Variants in PIK3R3 observed in about 807,000 individuals in gnomAD.
PIK3R3 encodes phosphatidylinositol 3-kinase regulatory subunit gamma.
PIK3R3 carries 64 observed loss-of-function variants against 62.9 expected under a neutral mutation model. The ratio of observed to expected loss-of-function variants is 1.02; its 90% CI spans 0.83 to 1.25. The LOEUF is 1.25. Ranked by LOEUF, PIK3R3 falls within the 50% of genes most tolerant of loss-of-function variation. The pLI is 0.00. For synonymous variants in PIK3R3, 165 were observed against 189.0 expected, an observed-to-expected ratio of 0.87 and a Z score of 1.04; for missense variants, 614 against 561.6, an observed-to-expected ratio of 1.09 and a Z score of -0.94.
chr1:46,100,448 T>G (rs1045831872), intron 1 of PIK3R3, among the ~76,000 whole-genome samples: 1 of 152,190 alleles, frequency 6.6e-6, no homozygotes, highest in Non-Finnish European at 1.5e-5. Flanking sequence ...TTCTTTATAT[T>G]CGGGGGTTCT....
intron 1 of PIK3R3, among the ~76,000 whole-genome samples, chr1:46,092,454 C>T (rs551884377): frequency 6.6e-6 from 1 of 152,280 alleles, no homozygotes; most frequent in South Asian, 2.1e-4. Flanking sequence ...ACCTCCACCT[C>T]CCAGATTCAA....
intron 1 of PIK3R3, among the ~76,000 whole-genome samples, chr1:46,086,154 GTATGTGTGCATATAGA>G (rs1364652315): frequency 6.6e-6 from 1 of 152,190 alleles, no homozygotes; most frequent in African/African-American, 2.4e-5. Context: ...TTAAGTGTGT[GTATGTGTGCATATAGA>G]TATGTGTGCA....
the PIK3R3 span, chr1:46,138,817 G>A: frequency 6.6e-6 from 1 of 152,230 alleles, no homozygotes. Context: ...TGTGTCCTCA[G>A]CTTTGAGCAT....
At chr1:46,065,888 T>C (rs1648941385) in intron 5 of PIK3R3, among the ~76,000 whole-genome samples, 166 bp downstream of exon 5, 2 of 152,228 alleles carry the variant, frequency 1.3e-5, no homozygotes, top group African/African-American at 4.8e-5. Context: ...AATTATATCC[T>C]TAACCAATTA....
At chr1:46,133,003 A>T (rs1655763671), upstream of PIK3R3, 1 of 1,066,006 alleles carries the variant, frequency 9.4e-7, no homozygotes, top group Non-Finnish European at 1.1e-6. Flanking sequence ...GAGGGAAGAG[A>T]GGCAAGGTGG....
the PIK3R3 span, among the ~76,000 whole-genome samples, chr1:46,150,877 C>T: frequency 7.1e-6 from 1 of 139,924 alleles, no homozygotes; most frequent in Non-Finnish European, 1.5e-5. Context: ...GGTGTGATCT[C>T]GGCTCACTGC....
intron 1 of PIK3R3, among the ~76,000 whole-genome samples, chr1:46,130,024 C>T (rs785504): frequency 0.67 from 102,622 of 152,062 alleles, 34,885 homozygotes; most frequent in Non-Finnish European, 0.71. Flanking sequence ...ATAGTTATAA[C>T]AGTCAACTTT....
At position 46,058,826 on chromosome 1, in the gene PIK3R3, T is replaced by G. The variant is rs563949800; in HGVS notation, c.765-2855A>C. 2.0e-5 allele frequency among the ~76,000 whole-genome samples: 3 copies of G among 152,212 alleles called. No homozygotes were observed. The East Asian group carries it at 5.8e-4, about 29-fold the overall frequency. Reference sequence around the variant, plus strand: ...GATGAGACTTTGGACTGTGGACTTTTGAGTTAATGCTGAAATGAGTTAAGA... The same window carrying G: ...GATGAGACTTTGGACTGTGGACTTTGGAGTTAATGCTGAAATGAGTTAAGA... On this transcript the variant is annotated intron_variant, in intron 6 of 9. Coordinates refer to ENST00000262741, the MANE Select transcript of PIK3R3 (RefSeq NM_003629.4).
At position 46,080,750 on chromosome 1, in the gene PIK3R3, G is replaced by A. The variant is rs755009883; in HGVS notation, c.107C>T (p.Ala36Val). The change falls in exon 2 of 10, where the codon GCT (alanine) becomes GTT (valine). Residue 36 changes from alanine (A) to valine (V), a missense_variant and splice_region_variant. Coordinates refer to ENST00000262741, the MANE Select transcript of PIK3R3 (RefSeq NM_003629.4). ...LIFYIEMDPPALPPKPPKPMT... is the reference protein window; with the variant it reads ...LIFYIEMDPPVLPPKPPKPMT... ...TGGCTTAGGTGGCTTTGGTGGAAGA[G>A]CTAGAAGAGAAATGAATATTACTCT... is the stretch of plus-strand genomic sequence containing the variant. 6.3e-6 allele frequency: 10 copies of A among 1,597,966 alleles called. No homozygotes were observed. The South Asian group carries it at 7.7e-5, about 12-fold the overall frequency.
the PIK3R3 span, among the ~76,000 whole-genome samples, chr1:46,168,184 A>T: frequency 1.9e-3 from 292 of 151,188 alleles, 3 homozygotes; most frequent in Admixed American, 0.011. Flanking sequence ...AATTAAATTT[A>T]AAAAAAAATA....
At chr1:46,096,079 C>T (rs12079713) in intron 1 of PIK3R3, among the ~76,000 whole-genome samples, 8 of 152,134 alleles carry the variant, frequency 5.3e-5, no homozygotes, top group African/African-American at 1.9e-4. Flanking sequence ...CCACCGTGCC[C>T]GACACAATGG....
chr1:46,098,053 G>A (rs1652312300), intron 1 of PIK3R3, among the ~76,000 whole-genome samples: 1 of 152,112 alleles, frequency 6.6e-6, no homozygotes, highest in Non-Finnish European at 1.5e-5. Flanking sequence ...CAAGGTTGCA[G>A]AATACAAGGA....
At chr1:46,102,070 C>T (rs561129056) in intron 1 of PIK3R3, among the ~76,000 whole-genome samples, 7 of 144,692 alleles carry the variant, frequency 4.8e-5, no homozygotes, top group African/African-American at 1.5e-4. Flanking sequence ...CTGCAGGCTC[C>T]GCCCCCTGGG....
At position 46,041,817 on chromosome 1, in the gene PIK3R3, T is replaced by C. The variant is rs759641173; in HGVS notation, c.*1856A>G. ...CTCACCCAATCCTGAAACTGCAGTG[T>C]AACCAAGAAAAAGCCAAAGAGAAGC... On this transcript the variant is annotated 3_prime_UTR_variant, in exon 10 of 10. Transcript: ENST00000262741. 5 of 211,422 alleles carry C rather than the reference T, an allele frequency of 2.4e-5. No individual in the cohort carries two copies. The highest frequency in any genetic ancestry group is 4.8e-5 in the Non-Finnish European group (5 of 104,232). 13.1% of individuals were successfully genotyped at this position (211,422 alleles called of 1,614,324 possible).
intron 1 of PIK3R3, among the ~76,000 whole-genome samples, chr1:46,131,026 T>G (rs527325498): frequency 6.6e-6 from 1 of 152,356 alleles, no homozygotes; most frequent in South Asian, 2.1e-4. Flanking sequence ...GTGCTATATA[T>G]GTATACTTTA....
At chr1:46,138,346 T>C in the PIK3R3 span, among the ~76,000 whole-genome samples, 1 of 152,162 alleles carries the variant, frequency 6.6e-6, no homozygotes, top group South Asian at 2.1e-4. Flanking sequence ...CCAGTTCCCT[T>C]ATTGGATAAT....
chr1:46,071,738 G>T (rs868648671), intron 3 of PIK3R3, among the ~76,000 whole-genome samples: 2,146 of 92,456 alleles, frequency 0.023, 43 homozygotes, highest in East Asian at 0.044. Flanking sequence ...TATAGAGAGA[G>T]AGAGAGAGAG....
intron 1 of PIK3R3, among the ~76,000 whole-genome samples, chr1:46,117,946 C>T (rs577672908): frequency 7.9e-5 from 12 of 151,784 alleles, no homozygotes; most frequent in East Asian, 3.9e-4. Flanking sequence ...TGGTAGTGCA[C>T]GCCTGTAGTT....
chr1:46,172,597 G>A, the PIK3R3 span, among the ~76,000 whole-genome samples: 2 of 152,272 alleles, frequency 1.3e-5, no homozygotes, highest in African/African-American at 2.4e-5. Context: ...GACTGAGGTG[G>A]GAGGATAGAT....
Sources: gnomAD v4.1 joint callset for allele counts (sites outside exome capture counted in the v4.1 genomes callset) on GRCh38, gnomAD v4.1.1 for gene constraint, MANE v1.5 for transcripts, NCBI Gene and HGNC (gene_info 2026-07-23, HGNC 2026-07-21) for gene names.